The following C5orf24 variants were observed in gnomAD, a reference collection of about 807,000 sequenced individuals.
C5orf24 encodes chromosome 5 open reading frame 24.
C5orf24 carries 4 observed loss-of-function variants against 9.8 expected under a neutral mutation model. That is an observed-to-expected ratio of 0.41 (90% CI 0.20 to 0.93). The LOEUF is 0.93. Among genes scored for constraint, C5orf24 ranks in the 40% least tolerant of loss-of-function variants. The pLI, the probability that C5orf24 is intolerant of heterozygous loss-of-function variation, is 0.33. For missense variants in C5orf24, 170 were observed against 236.9 expected, an observed-to-expected ratio of 0.72 and a Z score of 1.85; for synonymous variants, 73 against 81.3, an observed-to-expected ratio of 0.90 and a Z score of 0.55.
chr5:134,834,272 T>A, the C5orf24 span, among the ~76,000 whole-genome samples: 11 of 152,176 alleles, frequency 7.2e-5, no homozygotes, highest in African/African-American at 2.7e-4. Flanking sequence ...GTGATTGGAT[T>A]TTTAGCAGCC....
chr5:134,850,938 A>G (rs1756140277), intron 1 of C5orf24, among the ~76,000 whole-genome samples: 1 of 132,064 alleles, frequency 7.6e-6, no homozygotes, highest in African/African-American at 3.1e-5. Context: ...ATATATATAT[A>G]CACACACACA....
chr5:134,840,036 C>T, the C5orf24 span, among the ~76,000 whole-genome samples: 39 of 152,046 alleles, frequency 2.6e-4, no homozygotes, highest in African/African-American at 8.9e-4. Context: ...TGGCTGGGTG[C>T]GGTGGCTCAC....
At chr5:134,837,858 T>C in the C5orf24 span, among the ~76,000 whole-genome samples, 2 of 151,854 alleles carry the variant, frequency 1.3e-5, no homozygotes, top group Non-Finnish European at 2.9e-5. Flanking sequence ...ATTATTGATA[T>C]AAAGCTATAT....
chr5:134,845,318 C>T (rs1387513068), upstream of C5orf24, among the ~76,000 whole-genome samples: 1 of 152,204 alleles, frequency 6.6e-6, no homozygotes, highest in East Asian at 1.9e-4. Context: ...CTAGCCTCTT[C>T]CCACTGCTTA....
chr5:134,841,640 G>A (rs1282624290), upstream of C5orf24, among the ~76,000 whole-genome samples: 4 of 152,158 alleles, frequency 2.6e-5, no homozygotes, highest in African/African-American at 2.4e-5. Context: ...GTTGTAAGAG[G>A]AGAAGCTTTA....
rs1205495187 is a variant in C5orf24 at position 134,856,844 on chromosome 5, G to A, written c.*1377G>A. The A allele has an allele frequency of 1.1e-5, 11 of 1,000,058 alleles. No individual in the cohort carries two copies. Among genetic ancestry groups the A allele is most frequent in the African/African-American group, 5.2e-5 (3 of 57,182 alleles). 61.9% of individuals were successfully genotyped at this position (1,000,058 alleles called of 1,614,324 possible). A position where few individuals can be genotyped will look rare whatever the true frequency, so the allele number is the denominator to read the frequency against. On this transcript the variant is annotated 3_prime_UTR_variant, in exon 2 of 2. Coordinates refer to ENST00000394976, the MANE Select transcript of C5orf24 (RefSeq NM_001135586.1). ...TGGTATAAACAGAATGCAGTTTCCC[G>A]ACCATCAGAACCCAAATATTAAGAA...
At chr5:134,835,541 G>T in the C5orf24 span, among the ~76,000 whole-genome samples, 2 of 152,144 alleles carry the variant, frequency 1.3e-5, no homozygotes. Context: ...CAGCTACTTG[G>T]GAGGCTGAGG....
At position 134,857,491 on chromosome 5, in the gene C5orf24, C is replaced by G; in HGVS notation, c.*2024C>G. 1 of 1,400,250 alleles carries G rather than the reference C, an allele frequency of 7.1e-7. No individual in the cohort carries two copies. The highest frequency in any genetic ancestry group is 1.4e-5 in the African/African-American group (1 of 69,222). 86.7% of individuals were successfully genotyped at this position (1,400,250 alleles called of 1,614,324 possible). A position where few individuals can be genotyped will look rare whatever the true frequency, so the allele number is the denominator to read the frequency against. ...GCACTGGCGTCTAAGACAGTGACCT[C>G]AACAATATTAGCTTTGCACAAACCA... On this transcript the variant is annotated 3_prime_UTR_variant, in exon 2 of 2. Transcript: ENST00000394976.
intron 1 of C5orf24, among the ~76,000 whole-genome samples, chr5:134,852,502 CTAAAG>C (rs1406082751): frequency 6.6e-6 from 1 of 152,204 alleles, no homozygotes; most frequent in African/African-American, 2.4e-5. Flanking sequence ...CCTTTACAAA[CTAAAG>C]TAAGTTTACA....
At chr5:134,852,023 C>T (rs984888987) in intron 1 of C5orf24, among the ~76,000 whole-genome samples, 2 of 152,230 alleles carry the variant, frequency 1.3e-5, no homozygotes, top group Non-Finnish European at 2.9e-5. Flanking sequence ...TCACTGCAAC[C>T]TCTGCCTCCC....
the C5orf24 span, among the ~76,000 whole-genome samples, chr5:134,836,168 CT>C: frequency 0.012 from 1,042 of 86,482 alleles, 3 homozygotes; most frequent in Middle Eastern, 0.062. Context: ...CATTGAGAAG[CT>C]TTTTTTTTTT....
At chr5:134,834,786 C>G in the C5orf24 span, among the ~76,000 whole-genome samples, 1 of 152,052 alleles carries the variant, frequency 6.6e-6, no homozygotes, top group Non-Finnish European at 1.5e-5. Context: ...GTAGCTCACT[C>G]CTGTAACCCT....
intron 1 of C5orf24, among the ~76,000 whole-genome samples, chr5:134,850,887 T>C (rs1756137738): frequency 6.6e-6 from 1 of 151,312 alleles, no homozygotes; most frequent in South Asian, 2.1e-4. Context: ...TGAGACTGTA[T>C]ATCCTGAGTT....
At chr5:134,838,861 C>T in the C5orf24 span, among the ~76,000 whole-genome samples, 1 of 152,018 alleles carries the variant, frequency 6.6e-6, no homozygotes. Context: ...CTTGAAAAAG[C>T]CTCTGCATTT....
chr5:134,840,121 A>T, the C5orf24 span, among the ~76,000 whole-genome samples: 1 of 152,082 alleles, frequency 6.6e-6, no homozygotes, highest in Non-Finnish European at 1.5e-5. Context: ...ATCCTGGCCG[A>T]AATGGTGAAA....
intron 1 of C5orf24, among the ~76,000 whole-genome samples, chr5:134,849,697 G>A (rs1021588400): frequency 9.0e-6 from 1 of 111,508 alleles, no homozygotes. Flanking sequence ...TCACTCTGTT[G>A]CCCAGCCTGG....
In C5orf24 at chr5:134,855,098, T is replaced by G. The variant is rs771952113; in HGVS notation, c.198T>G (p.Thr66=). The G allele has an allele frequency of 6.2e-7, 1 of 1,613,948 alleles. No homozygotes were observed. Among genetic ancestry groups the G allele is most frequent in the African/African-American group, 1.3e-5 (1 of 74,868 alleles). The change falls in exon 2 of 2, where the codon ACT becomes ACG. Residue 66 remains threonine, a synonymous_variant. Coordinates refer to ENST00000394976, the MANE Select transcript of C5orf24 (RefSeq NM_001135586.1). ...QDPLNETHLQ[T]TSGRSIEIKD... ...CATTAAATGAAACACACTTGCAGAC[T>G]ACAAGTGGCAGAAGCATAGAAATAA...
chr5:134,850,210 A>G (rs948582465), intron 1 of C5orf24, among the ~76,000 whole-genome samples: 2 of 149,846 alleles, frequency 1.3e-5, no homozygotes, highest in Non-Finnish European at 3.0e-5. Context: ...GTGCAGTGGC[A>G]TGATCTCGGC....
chr5:134,839,902 G>A, the C5orf24 span, among the ~76,000 whole-genome samples: 1 of 151,992 alleles, frequency 6.6e-6, no homozygotes, highest in African/African-American at 2.4e-5. Flanking sequence ...CACCATGTTG[G>A]TCAAGCTGGT....
Sources: gnomAD v4.1 joint callset for allele counts (sites outside exome capture counted in the v4.1 genomes callset) on GRCh38, gnomAD v4.1.1 for gene constraint, MANE v1.5 for transcripts, NCBI Gene and HGNC (gene_info 2026-07-23, HGNC 2026-07-21) for gene names.